CPNE7: variants seen among roughly 807,000 people sequenced by gnomAD.
The protein encoded by CPNE7 is copine-7.
A neutral mutation model predicts 66.5 loss-of-function variants in CPNE7; 78 were observed. The observed-to-expected ratio is 1.17, with a 90% CI of 0.98 to 1.42. The LOEUF is 1.42. Ranked by LOEUF, CPNE7 falls within the 40% of genes most tolerant of loss-of-function variation. The pLI is 0.00. For missense variants in CPNE7, 1,012 were observed against 776.6 expected, an observed-to-expected ratio of 1.30 and a Z score of -3.60; for synonymous variants, 468 against 336.7, an observed-to-expected ratio of 1.39 and a Z score of -4.27.
At chr16:89,582,777 A>G (rs2058975357) in intron 2 of CPNE7, among the ~76,000 whole-genome samples, 1 of 152,116 alleles carries the variant, frequency 6.6e-6, no homozygotes, top group Non-Finnish European at 1.5e-5. Flanking sequence ...AACCTACCTC[A>G]TTGTGACCTC....
At chr16:89,583,622 G>A in intron 2 of CPNE7, 75 bp from the exon 3 acceptor site, 1 of 1,608,826 alleles carries the variant, frequency 6.2e-7, no homozygotes, top group East Asian at 2.2e-5. Context: ...GAGTCCGGGT[G>A]AGGGCGCGGT....
Position 89,596,667 on chromosome 16 carries a change from C to T in CPNE7, c.*46C>T. 1 of 1,509,030 alleles carries T rather than the reference C, an allele frequency of 6.6e-7. No individual in the cohort carries two copies. Among genetic ancestry groups the T allele is most frequent in the East Asian group, 2.4e-5 (1 of 41,494 alleles). 93.5% of individuals were successfully genotyped at this position (1,509,030 alleles called of 1,614,324 possible). A position where few individuals can be genotyped will look rare whatever the true frequency, so the allele number is the denominator to read the frequency against. On this transcript the variant is annotated 3_prime_UTR_variant, in exon 15 of 15. Coordinates refer to ENST00000319518, the MANE Select transcript of CPNE7 (RefSeq NM_153636.3). The stretch of plus-strand genomic sequence containing the variant: ...GGGGGCAGTGAGGAATGGGTCCGTA[C>T]AGCCTCTGTCTGCAACATGCTTGGG...
intron 2 of CPNE7, among the ~76,000 whole-genome samples, chr16:89,578,165 A>G (rs1481965959): frequency 6.6e-6 from 1 of 150,592 alleles, no homozygotes; most frequent in Non-Finnish European, 1.5e-5. Flanking sequence ...CCTGGGTTCA[A>G]GCGATTCTCC....
Position 89,588,560 on chromosome 16 carries a change from C to T in CPNE7, c.928-115C>T, listed in dbSNP as rs1247227457. On this transcript the variant is annotated intron_variant, in intron 9 of 14. Transcript: ENST00000319518. ...ACAGCAGCCCCCCAGCCCTACCCAC[C>T]TACGCGACCCCTGACCCTGAGTCCT... The T allele has an allele frequency of 4.5e-6, 6 of 1,342,274 alleles. No homozygotes were observed. In the African/African-American group the frequency reaches 5.8e-5, roughly 13 times the overall value. 83.1% of individuals were successfully genotyped at this position (1,342,274 alleles called of 1,614,324 possible). A position where few individuals can be genotyped will look rare whatever the true frequency, so the allele number is the denominator to read the frequency against.
intron 14 of CPNE7, among the ~76,000 whole-genome samples, chr16:89,596,164 G>A (rs1303251897): frequency 6.6e-6 from 1 of 152,274 alleles, no homozygotes; most frequent in African/African-American, 2.4e-5. Context: ...GACACATGAA[G>A]CTCTGCAGTG....
intron 1 of CPNE7, among the ~76,000 whole-genome samples, 175 bp downstream of exon 1, chr16:89,576,246 T>A (rs1251888884): frequency 6.6e-6 from 1 of 151,304 alleles, no homozygotes; most frequent in Non-Finnish European, 1.5e-5. Flanking sequence ...GGGTGGGGTG[T>A]CCAGAGCTGT....
In CPNE7 at chr16:89,586,704, A is replaced by G; in HGVS notation, c.815A>G (p.Gln272Arg). 6.2e-7 allele frequency: 1 copy of G among 1,612,648 alleles called. No homozygotes were observed. The highest frequency in any genetic ancestry group is 8.5e-7 in the Non-Finnish European group (1 of 1,179,624). Residue 272 changes from glutamine (Q) to arginine (R), a missense_variant, in exon 8 of 15, where the codon CAG becomes CGG. By Grantham distance (43) the Gln-to-Arg change is conservative. Transcript: ENST00000319518. Reference protein sequence around the residue: ...QWDCVNPKYKQKRRSYKNSGV... With the variant: ...QWDCVNPKYKRKRRSYKNSGV... ...GACTGTGTGAACCCCAAATACAAGC[A>G]GAAGAGACGCAGTTATAAGAACTCA... is the stretch of plus-strand genomic sequence containing the variant.
intron 1 of CPNE7, among the ~76,000 whole-genome samples, chr16:89,576,418 C>G (rs2058860763): frequency 6.7e-6 from 1 of 149,648 alleles, no homozygotes; most frequent in Non-Finnish European, 1.5e-5. Context: ...CCAAGAGGCG[C>G]AAGGAGATTG....
chr16:89,593,564 G>T (rs2059207632), intron 13 of CPNE7, among the ~76,000 whole-genome samples: 1 of 152,048 alleles, frequency 6.6e-6, no homozygotes, highest in African/African-American at 2.4e-5. Context: ...GTGTTAGCCA[G>T]GATGGTCTCG....
intron 9 of CPNE7, among the ~76,000 whole-genome samples, chr16:89,588,471 C>G (rs1008362744): frequency 1.3e-5 from 2 of 152,094 alleles, no homozygotes; most frequent in Non-Finnish European, 2.9e-5. Flanking sequence ...ATCCAGGGAG[C>G]CTAGGGGCTG....
Position 89,596,647 on chromosome 16 carries a change from C to T in CPNE7, c.*26C>T, listed in dbSNP as rs1333611743. 6.4e-7 allele frequency: 1 copy of T among 1,571,976 alleles called. No homozygotes were observed. The highest frequency in any genetic ancestry group is 8.6e-7 in the Non-Finnish European group (1 of 1,166,108). ...AGATGTGGAGGGCGTAGGGTGGGGG[C>T]AGTGAGGAATGGGTCCGTACAGCCT... On this transcript the variant is annotated 3_prime_UTR_variant, in exon 15 of 15. Coordinates refer to ENST00000319518, the MANE Select transcript of CPNE7 (RefSeq NM_153636.3).
At chr16:89,581,153 TCCCGTCA>T (rs753706639) in intron 2 of CPNE7, among the ~76,000 whole-genome samples, 2 of 145,578 alleles carry the variant, frequency 1.4e-5, no homozygotes, top group Admixed American at 6.8e-5. Context: ...ACATGGAACA[TCCCGTCA>T]CCCGTCACAC....
rs377016340 is a variant in CPNE7, at chr16:89,591,088, G to C, written c.1168+30G>C. 136 of 1,613,450 alleles carry C rather than the reference G, an allele frequency of 8.4e-5. No individual in the cohort carries two copies. The African/African-American group carries it at 1.5e-3, about 18-fold the overall frequency. On this transcript the variant is annotated intron_variant, in intron 12 of 14. Transcript: ENST00000319518. ...GAGCTCGAGGCAGGCCTGGGGAGGG[G>C]AGTGCAGGGGGGCCGGGCTCACCCC...
chr16:89,587,742 C>T (rs1301277130), intron 9 of CPNE7: 49 of 138,624 alleles, frequency 3.5e-4, no homozygotes, highest in African/African-American at 1.0e-3. Flanking sequence ...CACAGATACA[C>T]GGCCCCCGTG....
At chr16:89,589,746 C>G in intron 10 of CPNE7, 151 bp from the exon 11 acceptor site, 1 of 773,214 alleles carries the variant, frequency 1.3e-6, no homozygotes, top group Non-Finnish European at 2.1e-6. Flanking sequence ...CCCTGAGCCT[C>G]GGTTCCCCAC....
At chr16:89,591,950 C>T (rs770024827) in intron 13 of CPNE7, among the ~76,000 whole-genome samples, 6 of 151,850 alleles carry the variant, frequency 4.0e-5, no homozygotes, top group South Asian at 4.1e-4. Flanking sequence ...CCACCCGCCT[C>T]GGCCTCCCAA....
chr16:89,583,540 CA>C lies in CPNE7; in HGVS notation c.358-156del, dbSNP rs972985694. On this transcript the variant is annotated intron_variant, in intron 2 of 14. Transcript: ENST00000319518. ...CGCAGGGATGGCAGGTGCTTGAGAG[CA>C]GCCACAAAGGGGGCGCGGGCCCTGG... is the stretch of plus-strand genomic sequence containing the variant. 10 of 1,576,244 alleles carry C rather than the reference CA, an allele frequency of 6.3e-6. No homozygotes were observed. In the African/African-American group the frequency reaches 1.2e-4, roughly 19 times the overall value.
chr16:89,587,005 C>T, intron 8 of CPNE7, 38 bp from the exon 9 acceptor site: 2 of 1,560,486 alleles, frequency 1.3e-6, no homozygotes, highest in Non-Finnish European at 1.7e-6. Flanking sequence ...GCCTCAGTGT[C>T]CCTGGCGGGG....
chr16:89,595,913 C>T (rs1486492359), intron 14 of CPNE7: 3 of 559,146 alleles, frequency 5.4e-6, no homozygotes, highest in Non-Finnish European at 1.0e-5. Context: ...GCGAGACACG[C>T]ACAGCACACA....
Sources: allele counts gnomAD v4.1 joint callset (sites outside exome capture counted in the v4.1 genomes callset), GRCh38; gene constraint gnomAD v4.1.1; transcripts MANE v1.5; gene names NCBI Gene and HGNC (gene_info 2026-07-23, HGNC 2026-07-21).